ARID5B: variants seen among roughly 807,000 people sequenced by gnomAD.
ARID5B encodes AT-rich interaction domain 5B.
Under a neutral mutation model 97.2 loss-of-function variants are expected in ARID5B, and 13 were observed. That is an observed-to-expected ratio of 0.13 (90% CI 0.09 to 0.21). The LOEUF (loss-of-function observed/expected upper bound fraction) is 0.21, where lower values mean the gene tolerates loss of function less well. ARID5B is among the 10% of genes least tolerant of loss of function. The probability of loss-of-function intolerance (pLI) is 1.00; values close to 1 mark genes in which losing one functional copy is unlikely to be tolerated. For missense variants in ARID5B, 1,210 were observed against 1,465.3 expected (o/e 0.83, Z 2.84); for synonymous variants, 556 against 570.3 (o/e 0.97, Z 0.36).
intron 4 of ARID5B, among the ~76,000 whole-genome samples, chr10:62,015,566 C>G (rs1487398098): frequency 1.3e-5 from 2 of 152,202 alleles, no homozygotes. Flanking sequence ...GTACACTCTT[C>G]AAATTCACCT....
intron 4 of ARID5B, among the ~76,000 whole-genome samples, chr10:62,005,279 CTCTG>C (rs554595732): frequency 1.4e-3 from 214 of 152,326 alleles, no homozygotes; most frequent in Admixed American, 3.5e-3. Flanking sequence ...TTCTCTATGC[CTCTG>C]GGCAAGTGAC....
chr10:61,993,504 C>A (rs1028779750), intron 3 of ARID5B, among the ~76,000 whole-genome samples: 1 of 152,070 alleles, frequency 6.6e-6, no homozygotes, highest in Non-Finnish European at 1.5e-5. Context: ...AGGAAAATTA[C>A]CTTCCGAGAA....
At position 61,902,272 on chromosome 10, in the gene ARID5B, A is replaced by G; in HGVS notation, c.135A>G (p.Arg45=). 6.2e-7 allele frequency: 1 copy of G among 1,614,024 alleles called. No homozygotes were observed. The highest frequency in any genetic ancestry group is 8.5e-7 in the Non-Finnish European group (1 of 1,180,016). The stretch of plus-strand genomic sequence containing the variant: ...CCCTTGGCGACTTTTTCTTTGTAAG[A>G]TGTACGCCAAAGGATCCGATTTGCA... The part of the protein sequence containing the change: ...ILSLGDFFFV[R]CTPKDPICIA... The change falls in exon 2 of 10, where the codon AGA becomes AGG. Residue 45 remains arginine (R), a synonymous_variant. Transcript: ENST00000279873.
chr10:62,068,200 C>G (rs968443045), intron 7 of ARID5B, among the ~76,000 whole-genome samples: 1 of 152,098 alleles, frequency 6.6e-6, no homozygotes, highest in Non-Finnish European at 1.5e-5. Flanking sequence ...TTTGAAAGGG[C>G]GTTGAAACCA....
At chr10:62,042,381 G>T (rs1416893204) in intron 4 of ARID5B, among the ~76,000 whole-genome samples, 1 of 152,222 alleles carries the variant, frequency 6.6e-6, no homozygotes. Flanking sequence ...GGAGAAAGGA[G>T]TTGCCAGGTA....
At chr10:61,946,568 A>G (rs1195411682) in intron 3 of ARID5B, among the ~76,000 whole-genome samples, 4 of 152,202 alleles carry the variant, frequency 2.6e-5, no homozygotes, top group Non-Finnish European at 5.9e-5. Context: ...TAAATAATAT[A>G]TTGTTGCACT....
chr10:61,945,499 T>C (rs1050920046), intron 3 of ARID5B, among the ~76,000 whole-genome samples: 2 of 152,330 alleles, frequency 1.3e-5, no homozygotes, highest in East Asian at 3.8e-4. Flanking sequence ...GGTTTAAATT[T>C]TATGTGTATA....
At chr10:62,018,331 A>G (rs1259402323) in intron 4 of ARID5B, among the ~76,000 whole-genome samples, 4 of 152,364 alleles carry the variant, frequency 2.6e-5, no homozygotes, top group Admixed American at 6.5e-5. Flanking sequence ...AGAATGGATC[A>G]TGAATGAAAC....
At chr10:61,954,945 A>G (rs1376789364) in intron 3 of ARID5B, among the ~76,000 whole-genome samples, 1 of 151,830 alleles carries the variant, frequency 6.6e-6, no homozygotes, top group Non-Finnish European at 1.5e-5. Flanking sequence ...GGCGGAGGTC[A>G]TGGTGAGCCA....
At chr10:61,954,839 T>C (rs1375593426) in intron 3 of ARID5B, among the ~76,000 whole-genome samples, 1 of 152,074 alleles carries the variant, frequency 6.6e-6, no homozygotes, top group Non-Finnish European at 1.5e-5. Context: ...AAAACCCATC[T>C]CTACTAAATA....
chr10:62,085,687 C>T lies in ARID5B; in HGVS notation c.1200-15C>T. 1 of 1,592,320 alleles carries T rather than the reference C, an allele frequency of 6.3e-7. No homozygotes were observed. On this transcript the variant is annotated splice_polypyrimidine_tract_variant and intron_variant, in intron 8 of 9. Coordinates refer to ENST00000279873, the MANE Select transcript of ARID5B (RefSeq NM_032199.3). Reference sequence around the variant, plus strand: ...TTACTCAACTGACCGATCATCTCTTCTGTTAACCTTTTAGATTAATCCTAC... The same window carrying T: ...TTACTCAACTGACCGATCATCTCTTTTGTTAACCTTTTAGATTAATCCTAC...
chr10:61,999,357 G>T (rs1037311038), intron 3 of ARID5B, among the ~76,000 whole-genome samples: 1 of 152,180 alleles, frequency 6.6e-6, no homozygotes, highest in Non-Finnish European at 1.5e-5. Context: ...AGTCGAAAAG[G>T]CATTGAATAC....
chr10:62,086,690 CAAAAAA>C (rs747189859), intron 9 of ARID5B, among the ~76,000 whole-genome samples: 1 of 23,794 alleles, frequency 4.2e-5, no homozygotes, highest in South Asian at 1.6e-3. Context: ...GACTCCATCT[CAAAAAA>C]AAAAAAAAAA....
chr10:61,979,641 C>G (rs191864189), intron 3 of ARID5B, among the ~76,000 whole-genome samples: 5 of 152,312 alleles, frequency 3.3e-5, no homozygotes, highest in Admixed American at 2.0e-4. Context: ...AGCTCCAAGT[C>G]CTTAGCAAAC....
intron 3 of ARID5B, among the ~76,000 whole-genome samples, chr10:61,962,537 A>G (rs1421546913): frequency 1.3e-5 from 2 of 152,258 alleles, no homozygotes; most frequent in Admixed American, 6.5e-5. Flanking sequence ...CATTTGCCAG[A>G]CAATCTAATT....
rs1164342402 is a variant in ARID5B, at chr10:61,983,867, CTTTTTTTTTTTTTTTTT to C, written c.503-16209_503-16193del. ...TATATTTTTTAAACCCCCTTTTGTTCTTTTTTTTTTTTTTTTTTTTTTTTTTTTTTTGAGACGGAGTC... is the reference window on the plus strand; with the variant it reads ...TATATTTTTTAAACCCCCTTTTGTTCTTTTTTTTTTTTTTGAGACGGAGTC... On this transcript the variant is annotated intron_variant, in intron 3 of 9. Transcript: ENST00000279873. 1.1e-4 allele frequency among the ~76,000 whole-genome samples: 3 copies of C among 27,590 alleles called. 1 individual carries two copies. The highest frequency in any genetic ancestry group is 1.9e-4 in the Non-Finnish European group (3 of 15,950). 18.1% of individuals were successfully genotyped at this position (27,590 alleles called of 152,430 possible). A position where few individuals can be genotyped will look rare whatever the true frequency, so the allele number is the denominator to read the frequency against.
chr10:62,090,817 G>T (rs765665762), intron 9 of ARID5B, 45 bp from the exon 10 acceptor site: 1 of 1,522,622 alleles, frequency 6.6e-7, no homozygotes, highest in Non-Finnish European at 8.8e-7. Context: ...AAACATGTCT[G>T]TGTATTTGGT....
intron 2 of ARID5B, among the ~76,000 whole-genome samples, chr10:61,934,737 G>C (rs964682901): frequency 6.6e-6 from 1 of 152,070 alleles, no homozygotes; most frequent in Non-Finnish European, 1.5e-5. Flanking sequence ...CTGATCGGCT[G>C]GGTGCGGTGG....
rs1840379527 is a variant in ARID5B at position 62,091,848 on chromosome 10, C to T, written c.2385C>T (p.Pro795=). ...RCSFSKHHLN[P]LADSYVLKQE... ...GCTTCTCCAAGCATCACCTTAACCCCCTTGCTGACTCCTACGTCCTGAAGC... is the reference window on the plus strand; with the variant it reads ...GCTTCTCCAAGCATCACCTTAACCCTCTTGCTGACTCCTACGTCCTGAAGC... Residue 795 remains proline (P), a synonymous_variant, in exon 10 of 10, where the codon CCC becomes CCT. Coordinates refer to ENST00000279873, the MANE Select transcript of ARID5B (RefSeq NM_032199.3). The T allele has an allele frequency of 6.2e-7, 1 of 1,614,154 alleles. No homozygotes were observed. The highest frequency in any genetic ancestry group is 1.1e-5 in the South Asian group (1 of 91,076).
Sources: gnomAD v4.1 joint callset for allele counts (sites outside exome capture counted in the v4.1 genomes callset) on GRCh38, gnomAD v4.1.1 for gene constraint, MANE v1.5 for transcripts, NCBI Gene and HGNC (gene_info 2026-07-23, HGNC 2026-07-21) for gene names.